Variants in PUDP observed in about 807,000 individuals in gnomAD.
PUDP encodes pseudouridine-5'-phosphatase.
Under a neutral mutation model 9.4 loss-of-function variants are expected in PUDP, and 8 were observed. The observed-to-expected ratio is 0.85, with a 90% CI of 0.50 to 1.53. The LOEUF is 1.53. PUDP is among the 40% of genes most tolerant of loss of function. The pLI is 0.00. For missense variants in PUDP, 188 were observed against 189.7 expected (o/e 0.99, Z 0.05); for synonymous variants, 99 against 80.7 (o/e 1.23, Z -1.22).
intron 3 of PUDP, among the ~76,000 whole-genome samples, chrX:7,063,562 C>T (rs769365226): frequency 6.1e-4 from 68 of 111,909 alleles, no homozygotes; most frequent in East Asian, 4.2e-3. Flanking sequence ...TGCTTCCTGT[C>T]TAGGGAGATA....
At chrX:6,985,674 T>C (rs915315037) in intron 1 of PUDP, among the ~76,000 whole-genome samples, 1 of 111,466 alleles carries the variant, frequency 9.0e-6, no homozygotes, top group Non-Finnish European at 1.9e-5. Flanking sequence ...AAACAGTTGT[T>C]GTGGAAGCCT....
intron 2 of PUDP, among the ~76,000 whole-genome samples, chrX:7,089,778 T>C (rs1194742968): frequency 2.7e-5 from 3 of 111,798 alleles, no homozygotes; most frequent in African/African-American, 9.8e-5. Flanking sequence ...GCTAAAGGCT[T>C]CACACATATA....
At chrX:6,796,887 A>T (rs922848887) in intron 3 of PUDP, among the ~76,000 whole-genome samples, 3 of 112,060 alleles carry the variant, frequency 2.7e-5, no homozygotes, top group Non-Finnish European at 5.6e-5. Flanking sequence ...AATAAAAAGT[A>T]TGTATCCAGA....
chrX:6,970,161 A>G (rs1454165294), intron 3 of PUDP, among the ~76,000 whole-genome samples: 2 of 112,276 alleles, frequency 1.8e-5, no homozygotes, highest in Admixed American at 1.9e-4. Flanking sequence ...GAAATATAGC[A>G]ATAATAAAAT....
intron 3 of PUDP, among the ~76,000 whole-genome samples, chrX:6,798,144 C>T (rs1029799779): frequency 8.9e-5 from 10 of 112,127 alleles, no homozygotes; most frequent in Admixed American, 9.5e-5. Flanking sequence ...ATTTAATGGA[C>T]TCACAGTTCC....
At position 7,107,493 on chromosome X, in the gene PUDP, G is replaced by A. The variant is rs188099312; in HGVS notation, c.62-1655C>T. 9.1e-4 allele frequency among the ~76,000 whole-genome samples: 102 copies of A among 112,198 alleles called. 1 individual carries two copies. Among genetic ancestry groups the A allele is most frequent in the African/African-American group, 3.0e-3 (94 of 30,900 alleles). ...ATGCATGCTTGTCTGTAATTGCCTC[G>A]ATGTGTTTTGAAAGTTGGCAAGGTA... On this transcript the variant is annotated intron_variant, in intron 1 of 3. Coordinates refer to ENST00000381077, the MANE Select transcript of PUDP (RefSeq NM_012080.5).
intron 3 of PUDP, among the ~76,000 whole-genome samples, chrX:6,751,137 G>A (rs1054965892): frequency 9.6e-6 from 1 of 103,913 alleles, no homozygotes; most frequent in Admixed American, 1.1e-4. Context: ...GTGAGAATCC[G>A]TCTAAAAAAA....
At chrX:6,929,085 G>C (rs1423998954) in intron 3 of PUDP, among the ~76,000 whole-genome samples, 1 of 111,963 alleles carries the variant, frequency 8.9e-6, no homozygotes, top group Non-Finnish European at 1.9e-5. Flanking sequence ...AAACGAGAAG[G>C]CAATACCACA....
At chrX:6,995,624 T>G (rs1283144976) in intron 1 of PUDP, among the ~76,000 whole-genome samples, 2 of 109,938 alleles carry the variant, frequency 1.8e-5, no homozygotes, top group African/African-American at 6.6e-5. Flanking sequence ...CCTGGGAGGC[T>G]GAGGTGGGAG....
At chrX:6,788,753 A>G (rs1602619543) in intron 3 of PUDP, among the ~76,000 whole-genome samples, 1 of 112,485 alleles carries the variant, frequency 8.9e-6, no homozygotes, top group East Asian at 2.8e-4. Context: ...ATTGAAGCAG[A>G]AGAAGACAAA....
intron 1 of PUDP, among the ~76,000 whole-genome samples, chrX:7,121,588 G>A (rs1473756048): frequency 1.8e-5 from 2 of 111,529 alleles, no homozygotes; most frequent in African/African-American, 3.3e-5. Flanking sequence ...AGGTACCCTA[G>A]TTGACAGAAG....
intron 1 of PUDP, among the ~76,000 whole-genome samples, chrX:6,709,121 C>G (rs1232965709): frequency 8.9e-6 from 1 of 112,070 alleles, no homozygotes; most frequent in African/African-American, 3.2e-5. Context: ...TAGAATCATC[C>G]TCTTAGAAGA....
Position 7,105,845 on chromosome X carries a change from GAAAAAA to G in PUDP, c.62-13_62-8del. On this transcript the variant is annotated splice_polypyrimidine_tract_variant and splice_region_variant and intron_variant, in intron 1 of 3. Coordinates refer to ENST00000381077, the MANE Select transcript of PUDP (RefSeq NM_012080.5). ...GAATACAGCCGTTCAGTATCTGCAG[GAAAAAA>G]AAAAGAGATTTTTAGAGTGCATACT... The G allele has an allele frequency of 9.7e-7, 1 of 1,025,852 alleles. No homozygotes were observed. The allele number at this position is 1,025,852 out of a possible 1,213,427, so 84.5% of individuals were successfully genotyped here. A position where few individuals can be genotyped will look rare whatever the true frequency, so the allele number is the denominator to read the frequency against.
At chrX:7,048,014 A>C, downstream of PUDP, among the ~76,000 whole-genome samples, 1 of 112,184 alleles carries the variant, frequency 8.9e-6, no homozygotes, top group Non-Finnish European at 1.9e-5. Context: ...CGATTCTTTC[A>C]AGTATAAGAC....
intron 1 of PUDP, among the ~76,000 whole-genome samples, chrX:7,003,007 T>A (rs1243872301): frequency 9.0e-6 from 1 of 110,948 alleles, no homozygotes; most frequent in Admixed American, 9.5e-5. Flanking sequence ...TAGGGAGGAC[T>A]GAACTGAAAC....
At chrX:7,104,579 T>A (rs761247981) in intron 2 of PUDP, among the ~76,000 whole-genome samples, 24 of 112,136 alleles carry the variant, frequency 2.1e-4, no homozygotes, top group African/African-American at 7.8e-4. Flanking sequence ...CAATTAAATT[T>A]GTATATAGTA....
At chrX:7,140,907 G>A (rs960879892) in intron 1 of PUDP, among the ~76,000 whole-genome samples, 3 of 111,714 alleles carry the variant, frequency 2.7e-5, no homozygotes, top group African/African-American at 6.5e-5. Context: ...CATCTGTTAC[G>A]TCAATCTGTG....
chrX:6,765,257 A>T (rs1294902924), intron 3 of PUDP, among the ~76,000 whole-genome samples: 1 of 111,520 alleles, frequency 9.0e-6, no homozygotes, highest in African/African-American at 3.3e-5. Flanking sequence ...TCCAGCCTAG[A>T]CAACAGAGCC....
intron 1 of PUDP, among the ~76,000 whole-genome samples, chrX:7,122,910 T>C (rs998847201): frequency 2.7e-5 from 3 of 112,561 alleles, no homozygotes; most frequent in Non-Finnish European, 3.8e-5. Flanking sequence ...ATACCAAAAA[T>C]TGTTATAAAG....
Sources: gnomAD v4.1 joint callset for allele counts (sites outside exome capture counted in the v4.1 genomes callset) on GRCh38, gnomAD v4.1.1 for gene constraint, MANE v1.5 for transcripts, NCBI Gene and HGNC (gene_info 2026-07-23, HGNC 2026-07-21) for gene names.